Variants in SORCS2 observed in about 807,000 individuals in gnomAD.
The protein encoded by SORCS2 is sortilin related VPS10 domain containing receptor 2.
Under a neutral mutation model 141.6 loss-of-function variants are expected in SORCS2, and 100 were observed. The ratio of observed to expected loss-of-function variants is 0.71; its 90% confidence interval spans 0.60 to 0.83. The LOEUF (loss-of-function observed/expected upper bound fraction) is 0.83, where lower values mean the gene tolerates loss of function less well. SORCS2 is among the 40% of genes least tolerant of loss of function. The pLI is 0.00. For missense variants in SORCS2, 1,646 were observed against 1,560.2 expected (o/e 1.05, Z -0.93); for synonymous variants, 789 against 676.9 (o/e 1.17, Z -2.57).
intron 3 of SORCS2, among the ~76,000 whole-genome samples, chr4:7,575,730 C>G (rs1715707774): frequency 6.6e-6 from 1 of 152,228 alleles, no homozygotes; most frequent in South Asian, 2.1e-4. Flanking sequence ...CTTGTTTACC[C>G]ATGGCTTAGT....
chr4:7,253,478 T>C (rs1321560838), intron 1 of SORCS2, among the ~76,000 whole-genome samples: 1 of 152,248 alleles, frequency 6.6e-6, no homozygotes, highest in Admixed American at 6.5e-5. Context: ...AGAAGAGGGA[T>C]GGTGTTCCCT....
intron 1 of SORCS2, among the ~76,000 whole-genome samples, chr4:7,366,547 C>G (rs919417468): frequency 6.6e-6 from 1 of 151,472 alleles, no homozygotes; most frequent in African/African-American, 2.4e-5. Context: ...AGCCTCACCC[C>G]CTCCTCCATC....
intron 3 of SORCS2, among the ~76,000 whole-genome samples, chr4:7,600,647 A>G (rs1260542979): frequency 2.2e-5 from 2 of 90,694 alleles, no homozygotes; most frequent in African/African-American, 5.5e-5. Context: ...TACGATATAC[A>G]TATATATATA....
intron 1 of SORCS2, among the ~76,000 whole-genome samples, chr4:7,308,761 G>T (rs369445434): frequency 1.3e-5 from 2 of 148,700 alleles, no homozygotes; most frequent in Non-Finnish European, 3.0e-5. Context: ...CTGTCGTCTC[G>T]CTCCAGCACC....
chr4:7,544,788 C>T (rs1713115002), intron 3 of SORCS2, among the ~76,000 whole-genome samples: 1 of 152,214 alleles, frequency 6.6e-6, no homozygotes, highest in South Asian at 2.1e-4. Context: ...ACCTGCCATC[C>T]CCAGTCTCCC....
rs947351721 is a variant in SORCS2, at chr4:7,233,814, C to T, written c.480+40688C>T. 6.6e-6 allele frequency among the ~76,000 whole-genome samples: 1 copy of T among 152,178 alleles called. No individual in the cohort carries two copies. The highest frequency in any genetic ancestry group is 1.5e-5 in the Non-Finnish European group (1 of 68,030). On this transcript the variant is annotated intron_variant, in intron 1 of 26. Transcript: ENST00000507866. This position sits in a 1 kb window ranked among gnomAD's most constrained non-coding sequence, Gnocchi z 4.5. ...AGTTTTCCTGTCTGTAAAATGGGTG[C>T]CGTGGTGCAAACATCAGAGGGTGGT...
intron 1 of SORCS2, among the ~76,000 whole-genome samples, chr4:7,269,841 G>A (rs900943048): frequency 6.6e-6 from 1 of 152,202 alleles, no homozygotes; most frequent in Non-Finnish European, 1.5e-5. Flanking sequence ...GTGGTGATTT[G>A]TAGGGCAGCC....
intron 3 of SORCS2, among the ~76,000 whole-genome samples, chr4:7,573,062 C>G (rs1431353757): frequency 1.3e-5 from 2 of 152,220 alleles, no homozygotes; most frequent in African/African-American, 4.8e-5. Context: ...GCGTGTGTTG[C>G]TGCTTTTTGA....
chr4:7,548,695 C>A (rs1314723507), intron 3 of SORCS2, among the ~76,000 whole-genome samples: 1 of 151,956 alleles, frequency 6.6e-6, no homozygotes, highest in Non-Finnish European at 1.5e-5. Flanking sequence ...GCCATGTGTC[C>A]AAGCAGAGAG....
chr4:7,633,384 G>A (rs781625705), intron 3 of SORCS2, among the ~76,000 whole-genome samples: 5 of 152,088 alleles, frequency 3.3e-5, no homozygotes, highest in African/African-American at 7.2e-5. Flanking sequence ...CTGAAGCCCC[G>A]TCCCCCAGGT....
At chr4:7,472,869 G>C (rs4330350) in intron 2 of SORCS2, among the ~76,000 whole-genome samples, 139,316 of 151,946 alleles carry the variant, frequency 0.92, 63,925 homozygotes, top group South Asian at 0.98. Flanking sequence ...TCGCTCAGAT[G>C]GTGAAGAAGA....
chr4:7,450,787 G>A (rs1428279857), intron 2 of SORCS2, among the ~76,000 whole-genome samples: 1 of 152,204 alleles, frequency 6.6e-6, no homozygotes, highest in Non-Finnish European at 1.5e-5. Flanking sequence ...GTGAATGAGG[G>A]AATGAATGAA....
chr4:7,284,471 C>G (rs1044834511), intron 1 of SORCS2, among the ~76,000 whole-genome samples: 1 of 152,218 alleles, frequency 6.6e-6, no homozygotes, highest in Non-Finnish European at 1.5e-5. Context: ...CAGCCATTCA[C>G]TGTGGGAACC....
Position 7,201,481 on chromosome 4 carries a change from C to T in SORCS2, c.480+8355C>T, listed in dbSNP as rs550015273. On this transcript the variant is annotated intron_variant, in intron 1 of 26. Coordinates refer to ENST00000507866, the MANE Select transcript of SORCS2 (RefSeq NM_020777.3). This position sits in a 1 kb window ranked among gnomAD's most constrained non-coding sequence, Gnocchi z 4.4. Reference sequence around the variant, plus strand: ...AGATGAGAAGGCAGCCCAGAGCTTGCGTGGGCCTCTCGGCGTAGCCGTTAC... The same window carrying T: ...AGATGAGAAGGCAGCCCAGAGCTTGTGTGGGCCTCTCGGCGTAGCCGTTAC... Among the ~76,000 whole-genome samples, 6 of 152,312 alleles carry T rather than the reference C, an allele frequency of 3.9e-5. No homozygotes were observed. The highest frequency in any genetic ancestry group is 2.1e-4 in the South Asian group (1 of 4,808).
chr4:7,460,408 G>A (rs6836594), intron 2 of SORCS2, among the ~76,000 whole-genome samples: 1 of 152,192 alleles, frequency 6.6e-6, no homozygotes, highest in Non-Finnish European at 1.5e-5. Flanking sequence ...CGGGGTGCCA[G>A]ACTCCCCCAG....
chr4:7,721,397 C>T (rs575827728), intron 18 of SORCS2, among the ~76,000 whole-genome samples: 81 of 152,166 alleles, frequency 5.3e-4, no homozygotes, highest in African/African-American at 1.7e-3. Flanking sequence ...ACCTGGGAGT[C>T]GGAGGTTGCA....
rs112962070 is a variant in SORCS2 at position 7,394,789 on chromosome 4, G to C, written c.481-1499G>C. 4.8e-3 allele frequency among the ~76,000 whole-genome samples: 737 copies of C among 152,194 alleles called. 10 individuals are homozygous for C. Among genetic ancestry groups the C allele is most frequent in the African/African-American group, 0.017 (696 of 41,536 alleles). On this transcript the variant is annotated intron_variant, in intron 1 of 26. Transcript: ENST00000507866. ...GAAAGGCAGGGTGCCCTCCAGAGCCGAGCTCCACCCCCCGAGGCCAGGGCA... is the reference window on the plus strand; with the variant it reads ...GAAAGGCAGGGTGCCCTCCAGAGCCCAGCTCCACCCCCCGAGGCCAGGGCA...
intron 1 of SORCS2, among the ~76,000 whole-genome samples, chr4:7,335,545 GTCGGGGCAC>G (rs567045959): frequency 1.3e-4 from 20 of 152,304 alleles, no homozygotes; most frequent in Admixed American, 4.6e-4. Flanking sequence ...GGCCTCATCT[GTCGGGGCAC>G]CCGAGGACGG....
At chr4:7,313,738 G>A (rs1013529017) in intron 1 of SORCS2, among the ~76,000 whole-genome samples, 3 of 152,158 alleles carry the variant, frequency 2.0e-5, no homozygotes, top group African/African-American at 7.2e-5. Flanking sequence ...ATGCTGTCCC[G>A]GAAGGATGTG....
Sources: gnomAD v4.1 joint callset for allele counts (sites outside exome capture counted in the v4.1 genomes callset) on GRCh38, gnomAD v4.1.1 for gene constraint, Gnocchi (gnomAD v3.1) non-coding constraint, MANE v1.5 for transcripts, NCBI Gene and HGNC (gene_info 2026-07-23, HGNC 2026-07-21) for gene names.